Variants in PEDS1 observed in about 807,000 individuals in gnomAD.
The protein encoded by PEDS1 is plasmanylethanolamine desaturase 1.
A neutral mutation model predicts 35.2 loss-of-function variants in PEDS1; 14 were observed. That is an observed-to-expected ratio of 0.40 (90% CI 0.26 to 0.62). PEDS1 has a LOEUF of 0.62. PEDS1 is among the 20% of genes least tolerant of loss of function. The pLI, the probability that PEDS1 is intolerant of heterozygous loss-of-function variation, is 0.44. For synonymous variants in PEDS1, 152 were observed against 152.0 expected, an observed-to-expected ratio of 1.00 and a Z score of 0.00; for missense variants, 260 against 367.8, an observed-to-expected ratio of 0.71 and a Z score of 2.40.
chr20:50,127,112 AC>A (rs2081114844), intron 5 of PEDS1, among the ~76,000 whole-genome samples: 1 of 152,152 alleles, frequency 6.6e-6, no homozygotes, highest in Admixed American at 6.5e-5. Context: ...AGTGCCTCCC[AC>A]AGAGGTCTGC....
chr20:50,150,260 C>G (rs2081389196), intron 1 of PEDS1, among the ~76,000 whole-genome samples: 1 of 152,200 alleles, frequency 6.6e-6, no homozygotes, highest in African/African-American at 2.4e-5. Flanking sequence ...ATGATTATGG[C>G]TGTCAACTGT....
At chr20:50,139,693 T>C (rs2081273447) in intron 2 of PEDS1, among the ~76,000 whole-genome samples, 1 of 151,144 alleles carries the variant, frequency 6.6e-6, no homozygotes, top group African/African-American at 2.4e-5. Flanking sequence ...TTTTTTTTTT[T>C]TTTCCAGAGG....
chr20:50,130,417 C>G (rs980290243), intron 3 of PEDS1, among the ~76,000 whole-genome samples: 1 of 152,144 alleles, frequency 6.6e-6, no homozygotes, highest in Non-Finnish European at 1.5e-5. Flanking sequence ...TGTGGTCTGT[C>G]GGTCCTACTG....
chr20:50,123,389 C>G lies in PEDS1; in HGVS notation c.*1669G>C, dbSNP rs1373020825. ...CAAATGATTCTCCTGCCTCTGCCTC[C>G]CAAGTAGCTGGGATAAAGTCGTCTG... On this transcript the variant is annotated 3_prime_UTR_variant, in exon 6 of 6. Transcript: ENST00000371652. 1 of 152,290 alleles carries G rather than the reference C, an allele frequency of 6.6e-6. No individual in the cohort carries two copies. The highest frequency in any genetic ancestry group is 2.4e-5 in the African/African-American group (1 of 41,436). The allele number at this position is 152,290 out of a possible 1,614,324, so 9.4% of individuals were successfully genotyped here.
chr20:50,150,985 C>T (rs748676001), intron 1 of PEDS1, among the ~76,000 whole-genome samples: 24 of 152,048 alleles, frequency 1.6e-4, no homozygotes, highest in Non-Finnish European at 2.5e-4. Context: ...TGTGAGCCAC[C>T]GCGCCCGGCC....
rs957006444 is a variant in PEDS1 at position 50,129,406 on chromosome 20, C to G, written c.478+140G>C. The G allele has an allele frequency of 1.5e-6, 2 of 1,336,308 alleles. No homozygotes were observed. The highest frequency in any genetic ancestry group is 9.9e-7 in the Non-Finnish European group (1 of 1,006,840). The allele number at this position is 1,336,308 out of a possible 1,614,324, so 82.8% of individuals were successfully genotyped here. A position where few individuals can be genotyped will look rare whatever the true frequency, so the allele number is the denominator to read the frequency against. On this transcript the variant is annotated intron_variant, in intron 4 of 5. Transcript: ENST00000371652. The surrounding 1 kb of genome is among the most constrained non-coding windows in gnomAD (Gnocchi z 4.2). ...AACCTCCATCTTCATGTCAGGTTTC[C>G]TGATTTTACATGAAGACAATGAATG... is the stretch of plus-strand genomic sequence containing the variant.
chr20:50,145,744 A>G (rs2081338861), intron 1 of PEDS1, among the ~76,000 whole-genome samples: 1 of 152,202 alleles, frequency 6.6e-6, no homozygotes. Flanking sequence ...GACATAGAAC[A>G]TGTGACTAGG....
intron 2 of PEDS1, among the ~76,000 whole-genome samples, chr20:50,132,961 C>T (rs979216923): frequency 5.3e-5 from 8 of 152,138 alleles, no homozygotes; most frequent in African/African-American, 7.2e-5. Context: ...AGTGATGACA[C>T]GTGTGGCCCC....
rs6122876 is a variant in PEDS1, at chr20:50,122,969, G to A, written c.*2089C>T. ...AAAAAATAGCCAAGCCAGGTGTGGC[G>A]GCATGTGCTAGTCCCAGCCACTCAT... On this transcript the variant is annotated 3_prime_UTR_variant, in exon 6 of 6. Transcript: ENST00000371652. 0.21 allele frequency: 31,504 copies of A among 151,362 alleles called. 3,340 individuals carry two copies. The highest frequency in any genetic ancestry group is 0.27 in the Middle Eastern group (80 of 296). The allele number at this position is 151,362 out of a possible 1,614,324, so 9.4% of individuals were successfully genotyped here.
chr20:50,137,661 C>G (rs895965271), intron 2 of PEDS1, among the ~76,000 whole-genome samples: 8 of 152,192 alleles, frequency 5.3e-5, no homozygotes, highest in East Asian at 3.9e-4. Flanking sequence ...TCACAAGGTC[C>G]GGAGATTGAG....
chr20:50,135,226 C>A (rs1299507233), intron 2 of PEDS1, among the ~76,000 whole-genome samples: 1 of 152,062 alleles, frequency 6.6e-6, no homozygotes, highest in Non-Finnish European at 1.5e-5. Context: ...ATATTTTGGG[C>A]TTTGCAGGCC....
rs1350948381 is a variant in PEDS1, at chr20:50,123,776, T to C, written c.*1282A>G. 6.6e-6 allele frequency: 1 copy of C among 152,250 alleles called. No homozygotes were observed. Among genetic ancestry groups the C allele is most frequent in the Non-Finnish European group, 1.5e-5 (1 of 68,072 alleles). 9.4% of individuals were successfully genotyped at this position (152,250 alleles called of 1,614,324 possible). A position where few individuals can be genotyped will look rare whatever the true frequency, so the allele number is the denominator to read the frequency against. On this transcript the variant is annotated 3_prime_UTR_variant, in exon 6 of 6. Transcript: ENST00000371652. The stretch of plus-strand genomic sequence containing the variant: ...TCACAAATCACCACCTGAATTTCCA[T>C]GTGCATTTATTTGTTTATTGACTCT...
intron 2 of PEDS1, among the ~76,000 whole-genome samples, chr20:50,142,306 A>T (rs546370141): frequency 6.6e-6 from 1 of 152,346 alleles, no homozygotes; most frequent in South Asian, 2.1e-4. Context: ...CACAGCAGTG[A>T]ATGAAACAGA....
rs1238951837 is a variant in PEDS1 at position 50,121,489 on chromosome 20, G to C, written c.*3569C>G. 1 of 152,300 alleles carries C rather than the reference G, an allele frequency of 6.6e-6. No homozygotes were observed. The highest frequency in any genetic ancestry group is 2.4e-5 in the African/African-American group (1 of 41,446). The allele number at this position is 152,300 out of a possible 1,614,324, so 9.4% of individuals were successfully genotyped here. A position where few individuals can be genotyped will look rare whatever the true frequency, so the allele number is the denominator to read the frequency against. On this transcript the variant is annotated 3_prime_UTR_variant, in exon 6 of 6. Coordinates refer to ENST00000371652, the MANE Select transcript of PEDS1 (RefSeq NM_199129.4). ...CTCACTTCTCAGAGCTGCAGGGACT[G>C]CTTGACAGGACCCATGCCAGAGCTC...
chr20:50,153,706 G>A lies in PEDS1; in HGVS notation c.-69C>T, dbSNP rs1307914974. The A allele has an allele frequency of 2.4e-5, 28 of 1,162,558 alleles. No individual in the cohort carries two copies. The highest frequency in any genetic ancestry group is 2.9e-5 in the Non-Finnish European group (27 of 944,312). 72.0% of individuals were successfully genotyped at this position (1,162,558 alleles called of 1,614,324 possible). On this transcript the variant is annotated 5_prime_UTR_variant, in exon 1 of 6. Transcript: ENST00000371652. Reference sequence around the variant, plus strand: ...GGCGGCAGGGCCGCGGAACCGCGGCGAGATCACGCCGCCCAATGACCGCCC... The same window carrying A: ...GGCGGCAGGGCCGCGGAACCGCGGCAAGATCACGCCGCCCAATGACCGCCC...
chr20:50,139,063 G>A (rs2081265372), intron 2 of PEDS1, among the ~76,000 whole-genome samples: 1 of 152,114 alleles, frequency 6.6e-6, no homozygotes, highest in African/African-American at 2.4e-5. Context: ...TTTCGGTCCT[G>A]GGTCCCAGTC....
At chr20:50,126,180 T>G (rs1314860148) in intron 5 of PEDS1, among the ~76,000 whole-genome samples, 1 of 152,228 alleles carries the variant, frequency 6.6e-6, no homozygotes, top group Non-Finnish European at 1.5e-5. Context: ...TGATCCTCAG[T>G]GCTTAGAATA....
At chr20:50,153,261 T>A (rs2081424350) in intron 1 of PEDS1, among the ~76,000 whole-genome samples, 1 of 151,716 alleles carries the variant, frequency 6.6e-6, no homozygotes, top group African/African-American at 2.4e-5. Context: ...CGATGGGAGC[T>A]CCGTTTGTCG....
chr20:50,151,146 G>C, intron 1 of PEDS1: 1 of 892,812 alleles, frequency 1.1e-6, no homozygotes, highest in Non-Finnish European at 1.6e-6. Context: ...ACAGTGAGCA[G>C]ATAGAAGCAG....
Sources: allele counts gnomAD v4.1 joint callset (sites outside exome capture counted in the v4.1 genomes callset), GRCh38; gene constraint gnomAD v4.1.1; non-coding constraint Gnocchi (gnomAD v3.1); transcripts MANE v1.5; gene names NCBI Gene and HGNC (gene_info 2026-07-23, HGNC 2026-07-21).